The following CNTNAP2 variants were observed in gnomAD, a reference collection of about 807,000 sequenced individuals.
The protein encoded by CNTNAP2 is contactin associated protein 2.
Under a neutral mutation model 155.2 loss-of-function variants are expected in CNTNAP2, and 98 were observed. That is an observed-to-expected ratio of 0.63 (90% CI 0.54 to 0.75). The LOEUF (loss-of-function observed/expected upper bound fraction) is 0.75, where lower values mean the gene tolerates loss of function less well. Ranked by LOEUF, CNTNAP2 falls within the 30% of genes least tolerant of loss-of-function variation. The pLI is 0.00. For synonymous variants in CNTNAP2, 651 were observed against 631.2 expected (o/e 1.03, Z -0.47); for missense variants, 1,727 against 1,688.1 (o/e 1.02, Z -0.40).
chr7:148,417,535 ATACT>A lies in CNTNAP2; in HGVS notation c.*1922_*1925del, dbSNP rs941843277. The A allele has an allele frequency of 3.3e-4, 50 of 152,506 alleles. No homozygotes were observed. Among genetic ancestry groups the A allele is most frequent in the African/African-American group, 1.2e-3 (48 of 41,468 alleles). The allele number at this position is 152,506 out of a possible 1,614,324, so 9.4% of individuals were successfully genotyped here. On this transcript the variant is annotated 3_prime_UTR_variant, in exon 24 of 24. Coordinates refer to ENST00000361727, the MANE Select transcript of CNTNAP2 (RefSeq NM_014141.6). Reference sequence around the variant, plus strand: ...TATAAAATACATTTAAAATGGAAAAATACTTAATATCACTAAATATCAGAACAAT... The same window carrying A: ...TATAAAATACATTTAAAATGGAAAAATAATATCACTAAATATCAGAACAAT...
At chr7:146,595,171 C>T (rs2129150238) in intron 1 of CNTNAP2, among the ~76,000 whole-genome samples, 1 of 152,116 alleles carries the variant, frequency 6.6e-6, no homozygotes, top group African/African-American at 2.4e-5. Context: ...AGTAGCATAA[C>T]AAGGATATTA....
intron 3 of CNTNAP2, among the ~76,000 whole-genome samples, chr7:146,904,547 C>T (rs1796078041): frequency 6.6e-6 from 1 of 152,158 alleles, no homozygotes; most frequent in Non-Finnish European, 1.5e-5. Flanking sequence ...TCTCGGCTCA[C>T]TGCAAGCTGC....
intron 3 of CNTNAP2, among the ~76,000 whole-genome samples, chr7:147,028,743 G>A (rs1247643237): frequency 6.6e-6 from 1 of 152,124 alleles, no homozygotes; most frequent in East Asian, 1.9e-4. Flanking sequence ...ATAAATCTAG[G>A]TAGTGAAGGA....
At chr7:148,086,235 T>A (rs1803727665) in intron 15 of CNTNAP2, among the ~76,000 whole-genome samples, 1 of 152,214 alleles carries the variant, frequency 6.6e-6, no homozygotes, top group South Asian at 2.1e-4. Flanking sequence ...CCTCTTTTGC[T>A]TTTAGAAACA....
At chr7:146,267,369 G>A (rs776673334) in intron 1 of CNTNAP2, among the ~76,000 whole-genome samples, 17 of 152,226 alleles carry the variant, frequency 1.1e-4, no homozygotes, top group Admixed American at 3.3e-4. Context: ...CTGTATTTAC[G>A]TAGTCTTCTC....
At position 146,304,119 on chromosome 7, in the gene CNTNAP2, T is replaced by C. The variant is rs1453893181; in HGVS notation, c.97+187146T>C. Among the ~76,000 whole-genome samples, 5 of 150,658 alleles carry C rather than the reference T, an allele frequency of 3.3e-5. No individual in the cohort carries two copies. In the South Asian group the frequency reaches 1.0e-3, roughly 32 times the overall value. ...GCTTTTTTTTTTTTTTTCCATTTGC[T>C]TGGTAGATCTTCCTCTGTCCCTTTT... On this transcript the variant is annotated intron_variant, in intron 1 of 23. Coordinates refer to ENST00000361727, the MANE Select transcript of CNTNAP2 (RefSeq NM_014141.6).
At chr7:146,697,505 C>A (rs559849908) in intron 1 of CNTNAP2, among the ~76,000 whole-genome samples, 1 of 152,126 alleles carries the variant, frequency 6.6e-6, no homozygotes, top group East Asian at 1.9e-4. Context: ...TCCCAAAGTG[C>A]GGGGATCATA....
At chr7:146,690,587 G>A (rs1025632116) in intron 1 of CNTNAP2, among the ~76,000 whole-genome samples, 6 of 152,154 alleles carry the variant, frequency 3.9e-5, no homozygotes, top group African/African-American at 1.4e-4. Flanking sequence ...TTTGCAAGTT[G>A]TTTTATGCGT....
chr7:148,231,956 G>A (rs1795970266), intron 20 of CNTNAP2, among the ~76,000 whole-genome samples: 1 of 152,164 alleles, frequency 6.6e-6, no homozygotes, highest in Non-Finnish European at 1.5e-5. Context: ...AACCTGGGAA[G>A]TGCTTCCTCG....
At chr7:147,575,184 A>ATGTGTG (rs137975569) in intron 12 of CNTNAP2, among the ~76,000 whole-genome samples, 16 of 17,062 alleles carry the variant, frequency 9.4e-4, no homozygotes, top group Admixed American at 2.0e-3. Flanking sequence ...GCATATGTGT[A>ATGTGTG]TGTGTGTGTG....
At chr7:147,083,738 T>C (rs975316333) in intron 4 of CNTNAP2, among the ~76,000 whole-genome samples, 5 of 143,954 alleles carry the variant, frequency 3.5e-5, no homozygotes, top group African/African-American at 1.3e-4. Flanking sequence ...TATATACATA[T>C]ATGCTATATA....
chr7:146,185,345 T>G (rs977436753), intron 1 of CNTNAP2, among the ~76,000 whole-genome samples: 1 of 152,144 alleles, frequency 6.6e-6, no homozygotes, highest in African/African-American at 2.4e-5. Context: ...ACCTATTGGT[T>G]TATATTTTTT....
intron 1 of CNTNAP2, among the ~76,000 whole-genome samples, chr7:146,542,717 T>C (rs1274289969): frequency 1.4e-4 from 21 of 151,976 alleles, no homozygotes; most frequent in Non-Finnish European, 1.5e-5. Flanking sequence ...ACCAGGAAGA[T>C]TAGAGAGATA....
rs1801419338 is a variant in CNTNAP2 at position 147,975,908 on chromosome 7, G to C, written c.2256-1954G>C. Reference sequence around the variant, plus strand: ...AATGGACAATTATGCCCCATTATGAGTTAGAATTGGCAAACTCTATAAAGG... The same window carrying C: ...AATGGACAATTATGCCCCATTATGACTTAGAATTGGCAAACTCTATAAAGG... On this transcript the variant is annotated intron_variant, in intron 14 of 23. Transcript: ENST00000361727. 2.0e-5 allele frequency among the ~76,000 whole-genome samples: 3 copies of C among 152,232 alleles called. No homozygotes were observed. In the South Asian group the frequency reaches 6.2e-4, roughly 32 times the overall value.
intron 10 of CNTNAP2, among the ~76,000 whole-genome samples, chr7:147,427,264 T>C (rs1430768227): frequency 6.6e-6 from 1 of 152,118 alleles, no homozygotes; most frequent in Non-Finnish European, 1.5e-5. Context: ...CACTTCTTAA[T>C]ACAGTTGCAT....
At chr7:146,733,802 G>A (rs747897456) in intron 1 of CNTNAP2, among the ~76,000 whole-genome samples, 2 of 152,076 alleles carry the variant, frequency 1.3e-5, no homozygotes, top group African/African-American at 4.8e-5. Flanking sequence ...GTAGAAATAG[G>A]ATAAATGAAG....
At chr7:146,185,979 A>G (rs190587413) in intron 1 of CNTNAP2, among the ~76,000 whole-genome samples, 4 of 152,208 alleles carry the variant, frequency 2.6e-5, no homozygotes, top group Admixed American at 6.6e-5. Context: ...TATGTAATGT[A>G]TCATACCGAG....
At chr7:147,016,795 G>A (rs11982904) in intron 3 of CNTNAP2, among the ~76,000 whole-genome samples, 24,964 of 151,952 alleles carry the variant, frequency 0.16, 2,488 homozygotes, top group African/African-American at 0.28. Flanking sequence ...GGCTCAAAGT[G>A]AATGGGCCAC....
chr7:148,076,976 A>G (rs1490817844), intron 15 of CNTNAP2, among the ~76,000 whole-genome samples: 2 of 151,814 alleles, frequency 1.3e-5, no homozygotes, highest in African/African-American at 4.8e-5. Flanking sequence ...CTGAACCACA[A>G]TGTTGGATTT....
Sources: gnomAD v4.1 joint callset for allele counts (sites outside exome capture counted in the v4.1 genomes callset) on GRCh38, gnomAD v4.1.1 for gene constraint, MANE v1.5 for transcripts, NCBI Gene and HGNC (gene_info 2026-07-23, HGNC 2026-07-21) for gene names.